IRF2: variants seen among roughly 807,000 people sequenced by gnomAD.
IRF2 encodes the protein interferon regulatory factor 2.
In IRF2, 15 loss-of-function variants were observed where a neutral mutation model predicts 40.6. That is an observed-to-expected ratio of 0.37 (90% confidence interval 0.25 to 0.57). The LOEUF is 0.57. Ranked by LOEUF, IRF2 falls within the 20% of genes least tolerant of loss-of-function variation. IRF2 has a pLI of 0.77. For synonymous variants in IRF2, 151 were observed against 165.5 expected (o/e 0.91, Z 0.67); for missense variants, 317 against 455.7 (o/e 0.70, Z 2.77).
Position 184,388,048 on chromosome 4 carries a change from T to A in IRF2, c.*710A>T, listed in dbSNP as rs556039066. 1 of 152,714 alleles carries A rather than the reference T, an allele frequency of 6.5e-6. No homozygotes were observed. The highest frequency in any genetic ancestry group is 2.4e-5 in the African/African-American group (1 of 41,476). The allele number at this position is 152,714 out of a possible 1,614,324, so 9.5% of individuals were successfully genotyped here. A position where few individuals can be genotyped will look rare whatever the true frequency, so the allele number is the denominator to read the frequency against. On this transcript the variant is annotated 3_prime_UTR_variant, in exon 9 of 9. Coordinates refer to ENST00000393593, the MANE Select transcript of IRF2 (RefSeq NM_002199.4). This position sits in a 1 kb window ranked among gnomAD's most constrained non-coding sequence, Gnocchi z 4.6. ...GGGAATTTGCATAATATTTCCATGA[T>A]ACTTTTTCCTTTGTACCGCGTGGCA...
At chr4:184,455,613 G>A (rs1275654727) in intron 1 of IRF2, among the ~76,000 whole-genome samples, 1 of 152,002 alleles carries the variant, frequency 6.6e-6, no homozygotes, top group African/African-American at 2.4e-5. Context: ...ATAAGAAAGT[G>A]GATGAATCCC....
At chr4:184,411,903 C>T (rs1309724860) in intron 5 of IRF2, among the ~76,000 whole-genome samples, 1 of 151,540 alleles carries the variant, frequency 6.6e-6, no homozygotes, top group Non-Finnish European at 1.5e-5. Context: ...GATTCACATC[C>T]CCTCTGTCTG....
intron 1 of IRF2, among the ~76,000 whole-genome samples, chr4:184,456,087 C>T (rs1173059209): frequency 6.6e-6 from 1 of 152,192 alleles, no homozygotes; most frequent in Non-Finnish European, 1.5e-5. Context: ...GCCTGCCCTG[C>T]GGCCGCACAC....
At chr4:184,452,793 A>AAAAAAAAAAC (rs1738770559) in intron 1 of IRF2, among the ~76,000 whole-genome samples, 1 of 132,240 alleles carries the variant, frequency 7.6e-6, no homozygotes, top group African/African-American at 2.6e-5. Context: ...AAAAAAAAAA[A>AAAAAAAAAAC]AAGGGAAAGA....
chr4:184,431,737 G>A (rs553430906), intron 1 of IRF2, among the ~76,000 whole-genome samples: 34 of 152,270 alleles, frequency 2.2e-4, no homozygotes, highest in Admixed American at 6.5e-4. Flanking sequence ...GGTCCCTGGC[G>A]CTGCAGCTGA....
At chr4:184,458,024 A>G (rs1183933909) in intron 1 of IRF2, among the ~76,000 whole-genome samples, 3 of 152,142 alleles carry the variant, frequency 2.0e-5, no homozygotes, top group African/African-American at 7.2e-5. Context: ...CCAGGAACGG[A>G]AGAAACTGTC....
chr4:184,455,001 G>C (rs2149914605), intron 1 of IRF2, among the ~76,000 whole-genome samples: 1 of 152,184 alleles, frequency 6.6e-6, no homozygotes, highest in East Asian at 1.9e-4. Context: ...CGATGTCCAG[G>C]GTCCACCTTC....
intron 6 of IRF2, among the ~76,000 whole-genome samples, chr4:184,404,623 T>TA (rs1736784415): frequency 1.3e-5 from 2 of 152,034 alleles, no homozygotes; most frequent in Non-Finnish European, 2.9e-5. Flanking sequence ...ACATGGTAAA[T>TA]AAAAAACTTC....
Position 184,448,201 on chromosome 4 carries a change from G to C in IRF2, c.-6-19131C>G, listed in dbSNP as rs571581387. On this transcript the variant is annotated intron_variant, in intron 1 of 8. Coordinates refer to ENST00000393593, the MANE Select transcript of IRF2 (RefSeq NM_002199.4). The surrounding 1 kb of genome is among the most constrained non-coding windows in gnomAD (Gnocchi z 4.3). ...GTAGGTAAGTAATTTCCAGTACAGA[G>C]GGAAAGACGACGACAGCCTTTCTGC... is the stretch of plus-strand genomic sequence containing the variant. Among the ~76,000 whole-genome samples, 2 of 152,318 alleles carry C rather than the reference G, an allele frequency of 1.3e-5. No homozygotes were observed. Among genetic ancestry groups the C allele is most frequent in the African/African-American group, 4.8e-5 (2 of 41,558 alleles).
chr4:184,455,259 T>TTCCCTCCCTC (rs1491439497), intron 1 of IRF2, among the ~76,000 whole-genome samples: 3 of 36,478 alleles, frequency 8.2e-5, no homozygotes, highest in Admixed American at 5.8e-4. Flanking sequence ...CCCCTCCCCC[T>TTCCCTCCCTC]TCCCTCCCTC....
At position 184,392,806 on chromosome 4, in the gene IRF2, G is replaced by A. The variant is rs554329703; in HGVS notation, c.695-2057C>T. On this transcript the variant is annotated intron_variant, in intron 7 of 8. Coordinates refer to ENST00000393593, the MANE Select transcript of IRF2 (RefSeq NM_002199.4). ...TCTCTGGGCCTGTTTCTCAGCCACTGTTCTCCAGTAACTTCACACAAACCT... is the reference window on the plus strand; with the variant it reads ...TCTCTGGGCCTGTTTCTCAGCCACTATTCTCCAGTAACTTCACACAAACCT... Among the ~76,000 whole-genome samples the A allele has an allele frequency of 7.2e-5, 11 of 152,272 alleles. No individual in the cohort carries two copies. In the East Asian group the frequency reaches 1.9e-3, roughly 27 times the overall value.
chr4:184,416,142 CT>C (rs1329550878), intron 5 of IRF2, among the ~76,000 whole-genome samples: 2 of 152,008 alleles, frequency 1.3e-5, no homozygotes, highest in Non-Finnish European at 2.9e-5. Flanking sequence ...GAAACCTCAC[CT>C]CTATAAAAGA....
intron 6 of IRF2, among the ~76,000 whole-genome samples, chr4:184,402,253 G>T (rs1248218785): frequency 6.6e-6 from 1 of 152,162 alleles, no homozygotes; most frequent in Non-Finnish European, 1.5e-5. Flanking sequence ...TCCAGTTTGA[G>T]GAATCAAAGG....
At chr4:184,437,148 C>T (rs1225985960) in intron 1 of IRF2, among the ~76,000 whole-genome samples, 2 of 152,178 alleles carry the variant, frequency 1.3e-5, no homozygotes, top group African/African-American at 2.4e-5. Context: ...CTCTGCCTCC[C>T]GGGTTCAAGC....
In IRF2 at chr4:184,434,911, T is replaced by A. The variant is rs547871132; in HGVS notation, c.-6-5841A>T. ...AAAACTAGGGTTTTCTTGCTAGGTG[T>A]GGTGGGACACACCTGTCTTTTCAGC... On this transcript the variant is annotated intron_variant, in intron 1 of 8. Transcript: ENST00000393593. 3.0e-4 allele frequency among the ~76,000 whole-genome samples: 46 copies of A among 152,262 alleles called. No individual in the cohort carries two copies. The South Asian group carries it at 7.1e-3, about 23-fold the overall frequency.
chr4:184,462,627 CAAGAAAGTA>C (rs112049967), intron 1 of IRF2, among the ~76,000 whole-genome samples: 4 of 152,286 alleles, frequency 2.6e-5, no homozygotes, highest in African/African-American at 9.6e-5. Context: ...TTTATCCCTA[CAAGAAAGTA>C]TTAGGATCAT....
At chr4:184,468,922 A>T (rs7667268) in intron 1 of IRF2, among the ~76,000 whole-genome samples, 59,479 of 152,000 alleles carry the variant, frequency 0.39, 12,564 homozygotes, top group African/African-American at 0.55. Context: ...ATCCAGCCAC[A>T]TTTTACAGTG....
Position 184,388,667 on chromosome 4 carries a change from A to G in IRF2, c.*91T>C. On this transcript the variant is annotated 3_prime_UTR_variant, in exon 9 of 9. Coordinates refer to ENST00000393593, the MANE Select transcript of IRF2 (RefSeq NM_002199.4). The surrounding 1 kb of genome is among the most constrained non-coding windows in gnomAD (Gnocchi z 4.6). ...AAGGCTTTTTCCCTTAGATTTGTCTAAAATAGGTGTCAGAGAGAAAAAAAT... is the reference window on the plus strand; with the variant it reads ...AAGGCTTTTTCCCTTAGATTTGTCTGAAATAGGTGTCAGAGAGAAAAAAAT... 1 of 1,309,468 alleles carries G rather than the reference A, an allele frequency of 7.6e-7. No homozygotes were observed. Among genetic ancestry groups the G allele is most frequent in the East Asian group, 2.3e-5 (1 of 43,204 alleles). 81.1% of individuals were successfully genotyped at this position (1,309,468 alleles called of 1,614,324 possible).
At position 184,388,911 on chromosome 4, in the gene IRF2, C is replaced by T; in HGVS notation, c.897G>A (p.Val299=). The change falls in exon 9 of 9, where the codon GTG becomes GTA. Residue 299 remains valine, a synonymous_variant. Transcript: ENST00000393593. The surrounding 1 kb of genome is among the most constrained non-coding windows in gnomAD (Gnocchi z 4.6). ...QVTIKEESNP[V]PYNSSWPPFQ... The stretch of plus-strand genomic sequence containing the variant: ...AAGGGGGCCAGGAGCTGTTGTAAGG[C>T]ACCGGATTGCTCTCCTCTTTGATGG... The T allele has an allele frequency of 6.2e-7, 1 of 1,614,054 alleles. No homozygotes were observed.
Sources: allele counts gnomAD v4.1 joint callset (sites outside exome capture counted in the v4.1 genomes callset), GRCh38; gene constraint gnomAD v4.1.1; non-coding constraint Gnocchi (gnomAD v3.1); transcripts MANE v1.5; gene names NCBI Gene and HGNC (gene_info 2026-07-23, HGNC 2026-07-21).